Variants in ABCC8 observed in about 807,000 individuals in gnomAD.
ABCC8 encodes the protein ATP-binding cassette sub-family C member 8.
ABCC8 carries 137 observed loss-of-function variants against 188.0 expected under a neutral mutation model. The ratio of observed to expected loss-of-function variants is 0.73; its 90% CI spans 0.63 to 0.84. ABCC8 has a LOEUF of 0.84. Ranked by LOEUF, ABCC8 falls within the 40% of genes least tolerant of loss-of-function variation. The probability of loss-of-function intolerance (pLI) is 0.00; values close to 1 mark genes in which losing one functional copy is unlikely to be tolerated. For synonymous variants in ABCC8, 797 were observed against 846.5 expected, an observed-to-expected ratio of 0.94 and a Z score of 1.01; for missense variants, 1,750 against 2,072.7, an observed-to-expected ratio of 0.84 and a Z score of 3.02.
intron 8 of ABCC8, 62 bp from the exon 9 acceptor site, chr11:17,443,374 G>C: frequency 1.2e-6 from 2 of 1,611,866 alleles, no homozygotes; most frequent in South Asian, 2.2e-5. Context: ...AGGAGGTGCT[G>C]GCAAAATCCC....
rs192391249 is a variant in ABCC8 at position 17,440,082 on chromosome 11, C to T, written c.1630+2638G>A. 3.3e-3 allele frequency among the ~76,000 whole-genome samples: 509 copies of T among 152,280 alleles called. 2 individuals carry two copies. Among genetic ancestry groups the T allele is most frequent in the African/African-American group, 0.011 (471 of 41,550 alleles). On this transcript the variant is annotated intron_variant, in intron 10 of 38. Coordinates refer to ENST00000389817, the MANE Select transcript of ABCC8 (RefSeq NM_000352.6). Reference sequence around the variant, plus strand: ...GAGCAGTCAAAGCAGATGTCACCTGCCCCCACTACATGACCTGAGGCTGCC... The same window carrying T: ...GAGCAGTCAAAGCAGATGTCACCTGTCCCCACTACATGACCTGAGGCTGCC...
In ABCC8 at chr11:17,396,952, C is replaced by T. The variant is rs761874633; in HGVS notation, c.4083G>A (p.Leu1361=). The T allele has an allele frequency of 6.2e-7, 1 of 1,614,214 alleles. No individual in the cohort carries two copies. The highest frequency in any genetic ancestry group is 8.5e-7 in the Non-Finnish European group (1 of 1,180,028). The change falls in exon 33 of 39, where the codon CTG becomes CTA. Residue 1361 remains leucine (L), a synonymous_variant. Transcript: ENST00000389817. The part of the protein sequence containing the change: ...VRYDSSLKPV[L]KHVNALIAPG... ...GGGCGATGAGGGCATTGACGTGCTT[C>T]AGCACCGGCTTCAGGGAGCTGTCGT...
intron 7 of ABCC8, among the ~76,000 whole-genome samples, chr11:17,450,029 T>C (rs1591850393): frequency 6.6e-6 from 1 of 152,346 alleles, no homozygotes; most frequent in East Asian, 1.9e-4. Context: ...TAAAGTCTTA[T>C]TAAGTGAAGA....
chr11:17,432,161 C>G, intron 11 of ABCC8, 43 bp downstream of exon 11: 1 of 1,551,470 alleles, frequency 6.4e-7, no homozygotes, highest in East Asian at 2.4e-5. Context: ...GACGCCCTCC[C>G]CCTCCACCCT....
At chr11:17,395,965 T>A in intron 33 of ABCC8, 35 bp from the exon 34 acceptor site, 1 of 1,555,092 alleles carries the variant, frequency 6.4e-7, no homozygotes, top group Non-Finnish European at 8.7e-7. Context: ...CCACTGGGAC[T>A]CTGGGGCTGC....
At chr11:17,475,753 T>A (rs534452474) in intron 1 of ABCC8, among the ~76,000 whole-genome samples, 3 of 152,376 alleles carry the variant, frequency 2.0e-5, no homozygotes, top group African/African-American at 7.2e-5. Flanking sequence ...CAATCTTTCC[T>A]TTCTTCCCCA....
intron 19 of ABCC8, 36 bp from the exon 20 acceptor site, chr11:17,413,514 G>C: frequency 6.2e-7 from 1 of 1,612,924 alleles, no homozygotes; most frequent in East Asian, 2.2e-5. Context: ...CAGCTGGTCA[G>C]CCTGGTCAGA....
intron 1 of ABCC8, 34 bp downstream of exon 1, chr11:17,476,595 G>C (rs1437053059): frequency 6.2e-7 from 1 of 1,605,160 alleles, no homozygotes; most frequent in Non-Finnish European, 8.5e-7. Context: ...CTGCTCTCCC[G>C]TCCCCTCCTC....
chr11:17,397,496 A>G (rs939092390), intron 31 of ABCC8, 183 bp from the exon 32 acceptor site: 28 of 1,406,464 alleles, frequency 2.0e-5, no homozygotes, highest in Middle Eastern at 1.9e-4. Flanking sequence ...TGGCTCCCCA[A>G]CCTCCACCTG....
chr11:17,465,650 CCTTCTCCCTCTATT>C (rs1446014409), intron 3 of ABCC8: 2 of 152,112 alleles, frequency 1.3e-5, no homozygotes, highest in Non-Finnish European at 2.9e-5. Context: ...CATTACTCCT[CCTTCTCCCTCTATT>C]CTTCTCCCTC....
chr11:17,405,716 C>T, intron 26 of ABCC8, 153 bp from the exon 27 acceptor site: 5 of 926,206 alleles, frequency 5.4e-6, no homozygotes, highest in Non-Finnish European at 6.4e-6. Flanking sequence ...GCCTGTATCC[C>T]CGTGAATTCC....
chr11:17,447,954 A>G, intron 8 of ABCC8, among the ~76,000 whole-genome samples: 1 of 152,316 alleles, frequency 6.6e-6, no homozygotes, highest in South Asian at 2.1e-4. Flanking sequence ...TATACATAAC[A>G]TATATTCCAG....
At chr11:17,397,860 C>T (rs1954025928) in intron 30 of ABCC8, 63 bp from the exon 31 acceptor site, 3 of 1,595,636 alleles carry the variant, frequency 1.9e-6, no homozygotes, top group East Asian at 2.3e-5. Flanking sequence ...CCTGTTCTAC[C>T]TCACTCCTTT....
At chr11:17,412,615 T>C (rs757811387) in intron 21 of ABCC8, 51 bp downstream of exon 21, 4 of 1,582,656 alleles carry the variant, frequency 2.5e-6, no homozygotes, top group Non-Finnish European at 3.4e-6. Context: ...GGTGGGCAGT[T>C]AGGCCTGGGA....
chr11:17,467,042 C>CA (rs1848197376), intron 3 of ABCC8, among the ~76,000 whole-genome samples: 1 of 132,388 alleles, frequency 7.6e-6, no homozygotes, highest in African/African-American at 2.9e-5. Context: ...ACATGTTAAA[C>CA]CACACACACA....
Position 17,470,733 on chromosome 11 carries a change from G to A in ABCC8, c.291-511C>T, listed in dbSNP as rs1018786234. Among the ~76,000 whole-genome samples the A allele has an allele frequency of 6.6e-5, 10 of 152,308 alleles. No individual in the cohort carries two copies. In the East Asian group the frequency reaches 1.9e-3, roughly 29 times the overall value. On this transcript the variant is annotated intron_variant, in intron 2 of 38. Transcript: ENST00000389817. Reference sequence around the variant, plus strand: ...TTATGGGGTGAGGAAACTGAGGCACGAAGAGGCATTTCCAAGGTCACTGAT... The same window carrying A: ...TTATGGGGTGAGGAAACTGAGGCACAAAGAGGCATTTCCAAGGTCACTGAT...
rs78444979 is a variant in ABCC8 at position 17,406,438 on chromosome 11, C to G, written c.3329+184G>C. ...ACACAATGCCTATCACAGTATCTGG[C>G]TGAGTAAATGCCAGTTTCTCCCTGC... is the stretch of plus-strand genomic sequence containing the variant. On this transcript the variant is annotated intron_variant, in intron 26 of 38. Coordinates refer to ENST00000389817, the MANE Select transcript of ABCC8 (RefSeq NM_000352.6). 3.8e-3 allele frequency: 2,425 copies of G among 638,460 alleles called. 46 individuals are homozygous for G. The African/African-American group carries it at 0.04, about 11-fold the overall frequency. The allele number at this position is 638,460 out of a possible 1,614,324, so 39.5% of individuals were successfully genotyped here. A position where few individuals can be genotyped will look rare whatever the true frequency, so the allele number is the denominator to read the frequency against.
At chr11:17,425,131 G>A (rs758233351) in intron 16 of ABCC8, among the ~76,000 whole-genome samples, 1 of 152,146 alleles carries the variant, frequency 6.6e-6, no homozygotes, top group African/African-American at 2.4e-5. Flanking sequence ...ATCTCAAACC[G>A]AATACCTGGG....
rs555983937 is a variant in ABCC8 at position 17,405,151 on chromosome 11, C to T, written c.3399+343G>A. Among the ~76,000 whole-genome samples the T allele has an allele frequency of 4.6e-5, 7 of 152,348 alleles. No individual in the cohort carries two copies. The South Asian group carries it at 1.4e-3, about 32-fold the overall frequency. The stretch of plus-strand genomic sequence containing the variant: ...GGTAGGAATCAAGATTTTGTTTTCA[C>T]ACCATCTGGTACAATGGTAAATAAA... On this transcript the variant is annotated intron_variant, in intron 27 of 38. Transcript: ENST00000389817.
Sources: gnomAD v4.1 joint callset for allele counts (sites outside exome capture counted in the v4.1 genomes callset) on GRCh38, gnomAD v4.1.1 for gene constraint, MANE v1.5 for transcripts, NCBI Gene and HGNC (gene_info 2026-07-23, HGNC 2026-07-21) for gene names.